Variants in SPPL3 observed in about 807,000 individuals in gnomAD.
The protein encoded by SPPL3 is signal peptide peptidase-like 3.
Under a neutral mutation model 42.4 loss-of-function variants are expected in SPPL3, and 5 were observed. The ratio of observed to expected loss-of-function variants is 0.12; its 90% confidence interval spans 0.06 to 0.25. The LOEUF is 0.25. Among genes scored for constraint, SPPL3 ranks in the 10% least tolerant of loss-of-function variants. The pLI, the probability that SPPL3 is intolerant of heterozygous loss-of-function variation, is 1.00. For missense variants in SPPL3, 235 were observed against 489.0 expected (o/e 0.48, Z 4.90); for synonymous variants, 195 against 181.8 (o/e 1.07, Z -0.58).
At chr12:120,834,855 C>T (rs896001516) in intron 1 of SPPL3, among the ~76,000 whole-genome samples, 2 of 152,188 alleles carry the variant, frequency 1.3e-5, no homozygotes, top group Non-Finnish European at 2.9e-5. Flanking sequence ...TCTTTTAAAT[C>T]ATCACATGGA....
At chr12:120,834,598 G>A (rs1018402656) in intron 1 of SPPL3, among the ~76,000 whole-genome samples, 4 of 152,116 alleles carry the variant, frequency 2.6e-5, no homozygotes, top group South Asian at 2.1e-4. Context: ...CTCTCCCGTC[G>A]CCATACTCCT....
intron 2 of SPPL3, among the ~76,000 whole-genome samples, chr12:120,806,514 A>C (rs1484036005): frequency 2.6e-5 from 4 of 152,026 alleles, no homozygotes; most frequent in Non-Finnish European, 5.9e-5. Flanking sequence ...AATGAATCAT[A>C]ATTTTAAATG....
chr12:120,790,538 A>G (rs530332846), intron 3 of SPPL3, among the ~76,000 whole-genome samples: 6 of 152,254 alleles, frequency 3.9e-5, no homozygotes, highest in South Asian at 2.1e-4. Flanking sequence ...GCCTGTTATT[A>G]TATGTTCCCC....
At chr12:120,766,407 A>C in intron 9 of SPPL3, 35 bp from the exon 10 acceptor site, 1 of 1,514,730 alleles carries the variant, frequency 6.6e-7, no homozygotes, top group Middle Eastern at 1.7e-4. Context: ...GAGACACGAG[A>C]GGGAACCCGT....
intron 1 of SPPL3, among the ~76,000 whole-genome samples, chr12:120,818,217 C>T (rs1870944590): frequency 6.6e-6 from 1 of 152,144 alleles, no homozygotes; most frequent in Admixed American, 6.5e-5. Flanking sequence ...CAGAAAGAAA[C>T]TAAATACATG....
Position 120,824,900 on chromosome 12 carries a change from GA to G in SPPL3, c.24-14015del, listed in dbSNP as rs1871192036. The stretch of plus-strand genomic sequence containing the variant: ...ACAAACTTCCATGCCCTATTCATTT[GA>G]AAAGACAATTTAAAAACACTTAAGT... On this transcript the variant is annotated intron_variant, in intron 1 of 10. Coordinates refer to ENST00000353487, the MANE Select transcript of SPPL3 (RefSeq NM_139015.5). Among the ~76,000 whole-genome samples the G allele has an allele frequency of 2.0e-5, 3 of 152,186 alleles. No homozygotes were observed. In the East Asian group the frequency reaches 5.8e-4, roughly 29 times the overall value.
chr12:120,898,495 C>T (rs1297112549), intron 1 of SPPL3, among the ~76,000 whole-genome samples: 1 of 151,770 alleles, frequency 6.6e-6, no homozygotes, highest in Non-Finnish European at 1.5e-5. Context: ...TGAAGAACCA[C>T]ACTAAGGAAT....
At chr12:120,873,764 C>T (rs553048282) in intron 1 of SPPL3, among the ~76,000 whole-genome samples, 2 of 151,936 alleles carry the variant, frequency 1.3e-5, no homozygotes, top group South Asian at 4.2e-4. Context: ...CCCAGCTACT[C>T]AGGAGGCTGA....
intron 1 of SPPL3, among the ~76,000 whole-genome samples, chr12:120,887,181 C>T (rs1873492277): frequency 6.6e-6 from 1 of 152,018 alleles, no homozygotes; most frequent in Non-Finnish European, 1.5e-5. Flanking sequence ...AACTCCTGAC[C>T]TCATGATCCA....
intron 1 of SPPL3, among the ~76,000 whole-genome samples, chr12:120,877,082 T>C (rs538265989): frequency 6.6e-6 from 1 of 152,070 alleles, no homozygotes; most frequent in South Asian, 2.1e-4. Flanking sequence ...TATAAACTTA[T>C]ACAAACAACA....
rs1031804373 is a variant in SPPL3 at position 120,792,451 on chromosome 12, C to T, written c.102-894G>A. ...GTGCAGTGGCTCACGCCTGTAATCC[C>T]AGCACTTTGGGAGCCCCAGGCGGGC... On this transcript the variant is annotated intron_variant, in intron 2 of 10. Coordinates refer to ENST00000353487, the MANE Select transcript of SPPL3 (RefSeq NM_139015.5). Among the ~76,000 whole-genome samples, 5 of 152,194 alleles carry T rather than the reference C, an allele frequency of 3.3e-5. No individual in the cohort carries two copies. The South Asian group carries it at 6.2e-4, about 19-fold the overall frequency.
At chr12:120,815,324 T>C (rs1302260109) in intron 1 of SPPL3, among the ~76,000 whole-genome samples, 1 of 152,256 alleles carries the variant, frequency 6.6e-6, no homozygotes, top group African/African-American at 2.4e-5. Context: ...TGAAAACTGG[T>C]ATCTCAGTAT....
chr12:120,859,442 C>A (rs1462623441), intron 1 of SPPL3, among the ~76,000 whole-genome samples: 2 of 152,160 alleles, frequency 1.3e-5, no homozygotes, highest in Non-Finnish European at 2.9e-5. Flanking sequence ...TCTTTTCAAG[C>A]AATAACTGAA....
intron 1 of SPPL3, among the ~76,000 whole-genome samples, chr12:120,900,003 AG>A (rs746669748): frequency 6.6e-6 from 1 of 151,966 alleles, no homozygotes; most frequent in Non-Finnish European, 1.5e-5. Flanking sequence ...AGAATTTGCT[AG>A]GAAGAGAGCA....
intron 1 of SPPL3, among the ~76,000 whole-genome samples, chr12:120,869,385 T>C (rs1486933611): frequency 2.0e-5 from 3 of 152,226 alleles, no homozygotes; most frequent in Non-Finnish European, 4.4e-5. Context: ...ATGATTTGTG[T>C]TTATATGTAA....
intron 1 of SPPL3, among the ~76,000 whole-genome samples, chr12:120,820,305 A>ATTTTTTT (rs754034719): frequency 7.2e-6 from 1 of 139,034 alleles, no homozygotes; most frequent in Non-Finnish European, 1.5e-5. Flanking sequence ...TCTTTCTCTA[A>ATTTTTTT]ATTTTTTTTT....
chr12:120,879,054 G>C (rs1873198622), intron 1 of SPPL3, among the ~76,000 whole-genome samples: 1 of 144,300 alleles, frequency 6.9e-6, no homozygotes, highest in Non-Finnish European at 1.5e-5. Flanking sequence ...CGGAGGTTGT[G>C]GTGAGCCGAG....
chr12:120,871,354 G>A (rs1265490061), intron 1 of SPPL3, among the ~76,000 whole-genome samples: 1 of 152,112 alleles, frequency 6.6e-6, no homozygotes, highest in Admixed American at 6.6e-5. Context: ...ACAAATGAAA[G>A]TGATAAATCA....
intron 1 of SPPL3, among the ~76,000 whole-genome samples, chr12:120,884,913 T>C (rs1416886891): frequency 6.6e-6 from 1 of 151,062 alleles, no homozygotes; most frequent in Admixed American, 6.7e-5. Context: ...TCAGTTAAGG[T>C]CTTGTTTTGT....
Sources: gnomAD v4.1 joint callset for allele counts (sites outside exome capture counted in the v4.1 genomes callset) on GRCh38, gnomAD v4.1.1 for gene constraint, MANE v1.5 for transcripts, NCBI Gene and HGNC (gene_info 2026-07-23, HGNC 2026-07-21) for gene names.